Variants in MCF2 observed in about 807,000 individuals in gnomAD.
MCF2 encodes MCF.2 cell line derived transforming sequence, also known as proto-oncogene DBL.
MCF2 carries 44 observed loss-of-function variants against 82.5 expected under a neutral mutation model. The observed-to-expected ratio is 0.53, with a 90% CI of 0.42 to 0.69. The LOEUF (loss-of-function observed/expected upper bound fraction) is 0.69. Ranked by LOEUF, MCF2 falls within the 30% of genes least tolerant of loss-of-function variation. MCF2 has a pLI of 0.00. For synonymous variants in MCF2, 217 were observed against 224.9 expected, an observed-to-expected ratio of 0.96 and a Z score of 0.32; for missense variants, 623 against 663.1, an observed-to-expected ratio of 0.94 and a Z score of 0.66.
At chrX:139,632,567 C>A in intron 1 of MCF2, 113 bp from the exon 5 acceptor site, 1 of 556,936 alleles carries the variant, frequency 1.8e-6, no homozygotes, top group Non-Finnish European at 2.8e-6. Flanking sequence ...TTCATAAAAG[C>A]CAGTAAAAGG....
intron 1 of MCF2, among the ~76,000 whole-genome samples, chrX:139,691,460 G>A: frequency 8.9e-6 from 1 of 112,190 alleles, no homozygotes; most frequent in Non-Finnish European, 1.9e-5. Flanking sequence ...TGCAGTGTGG[G>A]AAGATACACT....
chrX:139,637,529 T>C (rs1047226125), intron 1 of MCF2, among the ~76,000 whole-genome samples: 2 of 111,667 alleles, frequency 1.8e-5, no homozygotes, highest in African/African-American at 6.5e-5. Context: ...TATGTATATT[T>C]ATATATTCAG....
At chrX:139,641,054 T>C (rs956538750) in intron 1 of MCF2, among the ~76,000 whole-genome samples, 2 of 109,917 alleles carry the variant, frequency 1.8e-5, no homozygotes, top group African/African-American at 3.3e-5. Flanking sequence ...TTGTAACTTA[T>C]GTTGTATATA....
At chrX:139,631,476 T>C in exon 3 of MCF2, 1 of 1,204,939 alleles carries the variant, frequency 8.3e-7, no homozygotes, top group Non-Finnish European at 1.1e-6. Flanking sequence ...CATCAATGTA[T>C]GTCAGCAAAT....
chrX:139,626,251 T>C (rs904939180), exon 6 of MCF2: 2 of 1,206,000 alleles, frequency 1.7e-6, no homozygotes, highest in African/African-American at 1.7e-5. Flanking sequence ...TTTTAATTGA[T>C]GTTTTTCCCA....
At chrX:139,647,975 T>C (rs1933858567) in intron 2 of MCF2, among the ~76,000 whole-genome samples, 1 of 112,386 alleles carries the variant, frequency 8.9e-6, no homozygotes, top group African/African-American at 3.2e-5. Flanking sequence ...AGCTCAGCAA[T>C]AGAAATTTTT....
rs1209263853 is a variant in MCF2, at chrX:139,596,784, T to G, written c.2056-14A>C. On this transcript the variant is annotated splice_polypyrimidine_tract_variant and intron_variant, in intron 18 of 24. Transcript: ENST00000370576. The stretch of plus-strand genomic sequence containing the variant: ...ATTTAAGTTTCCCTAGAATGGAAAA[T>G]CAAAACCCATTAGTAGAAAGCAAAG... The G allele has an allele frequency of 8.9e-7, 1 of 1,123,938 alleles. No individual in the cohort carries two copies. The allele number at this position is 1,123,938 out of a possible 1,213,427, so 92.6% of individuals were successfully genotyped here.
At chrX:139,628,680 C>T (rs1254433434) in intron 4 of MCF2, among the ~76,000 whole-genome samples, 2 of 111,947 alleles carry the variant, frequency 1.8e-5, no homozygotes, top group Non-Finnish European at 3.8e-5. Context: ...TCTCTATATA[C>T]AGCTTTAATC....
At chrX:139,697,273 A>AT (rs1429154870) in intron 1 of MCF2, among the ~76,000 whole-genome samples, 2 of 112,245 alleles carry the variant, frequency 1.8e-5, no homozygotes, top group Non-Finnish European at 3.8e-5. Flanking sequence ...GGCCGCAAAG[A>AT]CAGGCTGCCT....
chrX:139,598,341 T>C, intron 17 of MCF2, 65 bp downstream of exon 21: 2 of 741,496 alleles, frequency 2.7e-6, no homozygotes, highest in Admixed American at 2.6e-5. Flanking sequence ...ACTATTTCCT[T>C]TTTAATGGCT....
rs781240323 is a variant in MCF2, at chrX:139,627,748, G to GCAT, written c.439-995_439-993dup. 8.9e-5 allele frequency among the ~76,000 whole-genome samples: 10 copies of GCAT among 111,774 alleles called. No individual in the cohort carries two copies. In the South Asian group the frequency reaches 3.8e-3, roughly 42 times the overall value. On this transcript the variant is annotated intron_variant, in intron 4 of 24. Coordinates refer to ENST00000370576, the Ensembl canonical transcript of MCF2. ...TCACAGCAATCCTACCAGGTATGAT[G>GCAT]CATCATCATCATCACCAACCTCACT...
intron 1 of MCF2, among the ~76,000 whole-genome samples, chrX:139,657,968 T>C (rs1273725426): frequency 4.5e-5 from 5 of 111,584 alleles, no homozygotes; most frequent in East Asian, 2.8e-4. Flanking sequence ...AGCTGCTCTG[T>C]GGTAAAGAAA....
At chrX:139,675,089 C>T (rs1371151575) in intron 1 of MCF2, among the ~76,000 whole-genome samples, 1 of 112,347 alleles carries the variant, frequency 8.9e-6, no homozygotes, top group Non-Finnish European at 1.9e-5. Context: ...CATTAATACC[C>T]TTTCTTCCAC....
intron 2 of MCF2, among the ~76,000 whole-genome samples, chrX:139,650,418 T>C (rs1933958824): frequency 1.8e-5 from 2 of 111,876 alleles, no homozygotes; most frequent in Non-Finnish European, 3.8e-5. Flanking sequence ...GGATCACTTA[T>C]AAAGTAAAAG....
intron 23 of MCF2, among the ~76,000 whole-genome samples, chrX:139,585,912 C>T (rs1439879565): frequency 4.5e-5 from 5 of 111,935 alleles, no homozygotes; most frequent in African/African-American, 6.5e-5. Flanking sequence ...ATAAATATTT[C>T]GGCTGTTAAT....
intron 1 of MCF2, among the ~76,000 whole-genome samples, chrX:139,685,188 C>T (rs1021173593): frequency 2.7e-5 from 3 of 110,648 alleles, no homozygotes; most frequent in Non-Finnish European, 3.8e-5. Context: ...AGAAGATATC[C>T]AAATTGGAAA....
At chrX:139,601,608 G>A (rs1019250233) in intron 16 of MCF2, among the ~76,000 whole-genome samples, 1 of 111,201 alleles carries the variant, frequency 9.0e-6, no homozygotes, top group Non-Finnish European at 1.9e-5. Flanking sequence ...TGGAGGATGT[G>A]TTCCACCAAA....
exon 2 of MCF2, chrX:139,651,778 C>A (rs1456256921): frequency 8.7e-7 from 1 of 1,148,914 alleles, no homozygotes; most frequent in South Asian, 1.9e-5. Flanking sequence ...TACGGAGGAG[C>A]AGATCGGTTT....
intron 1 of MCF2, among the ~76,000 whole-genome samples, chrX:139,668,042 CA>C (rs1195619505): frequency 4.3e-4 from 48 of 111,912 alleles, no homozygotes; most frequent in African/African-American, 1.5e-3. Context: ...GTTGCAGCCA[CA>C]ACTCATGCTT....
Sources: gnomAD v4.1 joint callset for allele counts (sites outside exome capture counted in the v4.1 genomes callset) on GRCh38, gnomAD v4.1.1 for gene constraint, MANE v1.5 for transcripts, NCBI Gene and HGNC (gene_info 2026-07-23, HGNC 2026-07-21) for gene names.